TMEM163: variants seen among roughly 807,000 people sequenced by gnomAD.
TMEM163 encodes transmembrane protein 163.
TMEM163 carries 17 observed loss-of-function variants against 29.3 expected under a neutral mutation model. The observed-to-expected ratio is 0.58, with a 90% confidence interval of 0.40 to 0.87. The LOEUF (loss-of-function observed/expected upper bound fraction) is 0.87, where lower values mean the gene tolerates loss of function less well. Among genes scored for constraint, TMEM163 ranks in the 40% least tolerant of loss-of-function variants. The pLI is 0.00. For missense variants in TMEM163, 303 were observed against 381.5 expected (o/e 0.79, Z 1.71); for synonymous variants, 157 against 160.6 (o/e 0.98, Z 0.17).
chr2:134,477,741 G>A (rs1354859169), intron 5 of TMEM163, among the ~76,000 whole-genome samples: 2 of 152,234 alleles, frequency 1.3e-5, no homozygotes, highest in Non-Finnish European at 2.9e-5. Context: ...AAGGAAGTCT[G>A]TGATGAATTA....
chr2:134,507,275 G>T (rs1336370906), intron 4 of TMEM163, among the ~76,000 whole-genome samples: 1 of 152,000 alleles, frequency 6.6e-6, no homozygotes, highest in Non-Finnish European at 1.5e-5. Flanking sequence ...GGAGGTGGTT[G>T]CAGTAAGCTG....
At position 134,492,481 on chromosome 2, in the gene TMEM163, GT is replaced by G. The variant is rs199932000; in HGVS notation, c.555+10419del. ...GAGACTATTTCCGTCACCCCCAAAA[GT>G]TTTCCCATGATTCTTTAATAATTCC... On this transcript the variant is annotated intron_variant, in intron 5 of 7. Transcript: ENST00000281924. Among the ~76,000 whole-genome samples, 25 of 152,212 alleles carry G rather than the reference GT, an allele frequency of 1.6e-4. 2 individuals are homozygous for G. The highest frequency in any genetic ancestry group is 5.8e-4 in the African/African-American group (24 of 41,542).
chr2:134,687,560 G>T (rs538083258), intron 2 of TMEM163, among the ~76,000 whole-genome samples: 1 of 152,292 alleles, frequency 6.6e-6, no homozygotes, highest in East Asian at 1.9e-4. Flanking sequence ...ATGCAGTGTG[G>T]CTGTGACAAA....
intron 5 of TMEM163, among the ~76,000 whole-genome samples, chr2:134,498,905 T>C (rs1679640353): frequency 6.6e-6 from 1 of 152,166 alleles, no homozygotes; most frequent in Non-Finnish European, 1.5e-5. Flanking sequence ...AGGGCCAAGA[T>C]AGTCCTGGAC....
At chr2:134,715,209 G>A (rs184448738) in intron 1 of TMEM163, among the ~76,000 whole-genome samples, 86 of 152,232 alleles carry the variant, frequency 5.6e-4, no homozygotes, top group African/African-American at 1.6e-3. Flanking sequence ...CTCTTCAGCC[G>A]CATAACATTT....
At chr2:134,489,378 G>A (rs1270727907) in intron 5 of TMEM163, among the ~76,000 whole-genome samples, 2 of 151,994 alleles carry the variant, frequency 1.3e-5, no homozygotes, top group Admixed American at 1.3e-4. Context: ...AAGAGATCAA[G>A]ACCATCCCGG....
At position 134,460,987 on chromosome 2, in the gene TMEM163, G is replaced by A. The variant is rs1355209423; in HGVS notation, c.668-2814C>T. 6.6e-6 allele frequency among the ~76,000 whole-genome samples: 1 copy of A among 152,184 alleles called. No homozygotes were observed. Among genetic ancestry groups the A allele is most frequent in the African/African-American group, 2.4e-5 (1 of 41,446 alleles). On this transcript the variant is annotated intron_variant, in intron 6 of 7. Transcript: ENST00000281924. The surrounding 1 kb of genome is among the most constrained non-coding windows in gnomAD (Gnocchi z 4.3). ...ATCAAGCACACAGGGACTAGGGACC[G>A]AGTCAGTGGCCACCTGCCACTTTGC...
At chr2:134,682,475 G>A (rs569979385) in intron 2 of TMEM163, among the ~76,000 whole-genome samples, 135 of 152,216 alleles carry the variant, frequency 8.9e-4, no homozygotes, top group African/African-American at 2.9e-3. Context: ...CCCTTTATAC[G>A]GAAAGAAAAC....
At chr2:134,606,814 G>C (rs893347816) in intron 2 of TMEM163, among the ~76,000 whole-genome samples, 2 of 152,244 alleles carry the variant, frequency 1.3e-5, no homozygotes, top group African/African-American at 4.8e-5. Context: ...TGGGGGCAGT[G>C]AGTGAATCTC....
intron 2 of TMEM163, among the ~76,000 whole-genome samples, chr2:134,578,987 G>A (rs1309965437): frequency 6.6e-6 from 1 of 152,102 alleles, no homozygotes; most frequent in Non-Finnish European, 1.5e-5. Flanking sequence ...ATCACAAAAG[G>A]AAGTAGATGG....
chr2:134,570,377 G>T (rs1040803121), intron 2 of TMEM163, among the ~76,000 whole-genome samples: 1 of 152,102 alleles, frequency 6.6e-6, no homozygotes, highest in South Asian at 2.1e-4. Context: ...TCCATTAGGT[G>T]ACAATCAGGT....
Position 134,701,370 on chromosome 2 carries a change from A to C in TMEM163, c.322+11830T>G, listed in dbSNP as rs557191722. 7.6e-4 allele frequency among the ~76,000 whole-genome samples: 116 copies of C among 152,336 alleles called. 1 individual carries two copies. Among genetic ancestry groups the C allele is most frequent in the Non-Finnish European group, 1.2e-3 (84 of 68,034 alleles). On this transcript the variant is annotated intron_variant, in intron 2 of 7. Transcript: ENST00000281924. ...ACCCAATTTACACCTCAGGACACCC[A>C]ATAAAACAGAAATTGGTAGCACAGT...
intron 2 of TMEM163, among the ~76,000 whole-genome samples, chr2:134,596,721 A>G (rs1478738371): frequency 6.6e-6 from 1 of 151,688 alleles, no homozygotes; most frequent in African/African-American, 2.4e-5. Flanking sequence ...CCATTTTCAC[A>G]ATATTGATTC....
At chr2:134,552,169 T>A in intron 2 of TMEM163, 78 bp from the exon 3 acceptor site, 1 of 1,141,042 alleles carries the variant, frequency 8.8e-7, no homozygotes, top group Non-Finnish European at 1.3e-6. Flanking sequence ...TTACATGGCC[T>A]TTTAAACATC....
At chr2:134,563,104 C>A (rs1681219205) in intron 2 of TMEM163, among the ~76,000 whole-genome samples, 1 of 152,198 alleles carries the variant, frequency 6.6e-6, no homozygotes. Flanking sequence ...ATTCTACACA[C>A]TAGAGAGCAA....
chr2:134,537,660 A>G (rs948061052), intron 4 of TMEM163, among the ~76,000 whole-genome samples: 16 of 152,210 alleles, frequency 1.1e-4, no homozygotes, highest in Non-Finnish European at 1.8e-4. Flanking sequence ...TGCATCCACT[A>G]ATAACCTGCT....
intron 5 of TMEM163, among the ~76,000 whole-genome samples, chr2:134,479,967 T>TTATC (rs1344394759): frequency 1.3e-5 from 2 of 152,196 alleles, no homozygotes; most frequent in Non-Finnish European, 1.5e-5. Flanking sequence ...GTGATGTGGG[T>TTATC]TATCATACAC....
At chr2:134,629,520 G>T (rs920068230) in intron 2 of TMEM163, among the ~76,000 whole-genome samples, 1 of 152,072 alleles carries the variant, frequency 6.6e-6, no homozygotes, top group Non-Finnish European at 1.5e-5. Context: ...TACAAGGGGG[G>T]ACTATTTCTG....
chr2:134,717,339 C>T (rs1334359103), intron 1 of TMEM163, among the ~76,000 whole-genome samples: 1 of 152,138 alleles, frequency 6.6e-6, no homozygotes, highest in Non-Finnish European at 1.5e-5. Flanking sequence ...TCGTGATGTC[C>T]CCTGTCCTCA....
Sources: gnomAD v4.1 joint callset for allele counts (sites outside exome capture counted in the v4.1 genomes callset) on GRCh38, gnomAD v4.1.1 for gene constraint, Gnocchi (gnomAD v3.1) non-coding constraint, MANE v1.5 for transcripts, NCBI Gene and HGNC (gene_info 2026-07-23, HGNC 2026-07-21) for gene names.